The following ABCC1 variants were observed in gnomAD, a reference collection of about 807,000 sequenced individuals.
ABCC1 encodes the protein multidrug resistance-associated protein 1.
A neutral mutation model predicts 172.9 loss-of-function variants in ABCC1; 83 were observed. That is an observed-to-expected ratio of 0.48 (90% CI 0.40 to 0.58). The LOEUF (loss-of-function observed/expected upper bound fraction) is 0.58, where lower values mean the gene tolerates loss of function less well. ABCC1 is among the 20% of genes least tolerant of loss of function. The probability of loss-of-function intolerance (pLI) is 0.00; values close to 1 mark genes in which losing one functional copy is unlikely to be tolerated. For missense variants in ABCC1, 1,817 were observed against 2,002.7 expected (o/e 0.91, Z 1.77); for synonymous variants, 937 against 825.2 (o/e 1.14, Z -2.32).
At chr16:16,045,716 T>G in intron 8 of ABCC1, 120 bp from the exon 9 acceptor site, 1 of 988,352 alleles carries the variant, frequency 1.0e-6, no homozygotes, top group African/African-American at 1.6e-5. Context: ...TCTATGAAAT[T>G]GAAGTGATAG....
Position 16,016,492 on chromosome 16 carries a change from G to C in ABCC1, c.490-4G>C. 1 of 1,613,938 alleles carries C rather than the reference G, an allele frequency of 6.2e-7. No homozygotes were observed. ...TTTTTCTTCCTTCCTTCCCCACCAT[G>C]TAGGATGCCCAGGTGGACCTGTTTC... On this transcript the variant is annotated splice_polypyrimidine_tract_variant and splice_region_variant and intron_variant, in intron 4 of 30. Coordinates refer to ENST00000399410, the MANE Select transcript of ABCC1 (RefSeq NM_004996.4).
chr16:16,011,559 G>T (rs2047785911), intron 3 of ABCC1, among the ~76,000 whole-genome samples: 1 of 151,762 alleles, frequency 6.6e-6, no homozygotes, highest in African/African-American at 2.4e-5. Context: ...ACAGCTCACT[G>T]CAGGCTTGAA....
At chr16:16,042,740 CT>C (rs915005391) in intron 7 of ABCC1, among the ~76,000 whole-genome samples, 3 of 151,518 alleles carry the variant, frequency 2.0e-5, no homozygotes, top group African/African-American at 7.3e-5. Flanking sequence ...ATAAAGACTA[CT>C]TTTTTGGTGA....
chr16:16,101,018 TTTTTTTTATTTTTA>T (rs1313881931), intron 19 of ABCC1, among the ~76,000 whole-genome samples: 1 of 151,946 alleles, frequency 6.6e-6, no homozygotes, highest in Non-Finnish European at 1.5e-5. Context: ...TTTTTAGATT[TTTTTTTTATTTTTA>T]TTTTTTATTT....
intron 1 of ABCC1, among the ~76,000 whole-genome samples, chr16:15,971,444 G>A (rs769457758): frequency 2.0e-5 from 3 of 152,280 alleles, no homozygotes; most frequent in Admixed American, 6.5e-5. Flanking sequence ...TCTAAGAGCC[G>A]GGGCTTTACA....
chr16:16,104,185 T>A (rs2051943703), intron 20 of ABCC1, among the ~76,000 whole-genome samples: 3 of 151,856 alleles, frequency 2.0e-5, no homozygotes, highest in Non-Finnish European at 1.5e-5. Context: ...TCGCAAAGAG[T>A]GAAACAATAA....
intron 9 of ABCC1, 105 bp from the exon 10 acceptor site, chr16:16,048,037 G>C (rs1376478425): frequency 5.0e-6 from 7 of 1,395,814 alleles, no homozygotes; most frequent in Non-Finnish European, 7.0e-6. Flanking sequence ...GAGATCTGCG[G>C]CATTTCTGCC....
chr16:16,036,006 C>T (rs1431506873), intron 6 of ABCC1, among the ~76,000 whole-genome samples: 3 of 151,822 alleles, frequency 2.0e-5, no homozygotes, highest in Non-Finnish European at 2.9e-5. Flanking sequence ...CACCCAAAGT[C>T]CCAGCTACTC....
chr16:15,998,281 C>A (rs977302304), intron 1 of ABCC1, among the ~76,000 whole-genome samples: 7 of 152,190 alleles, frequency 4.6e-5, no homozygotes, highest in African/African-American at 1.7e-4. Context: ...TGCACTACCA[C>A]GCCTGGATAA....
chr16:16,136,042 A>AT (rs527249324), intron 28 of ABCC1, among the ~76,000 whole-genome samples: 23 of 145,600 alleles, frequency 1.6e-4, no homozygotes, highest in Admixed American at 2.7e-4. Context: ...TATTAAGGCA[A>AT]TTTTTTTTTT....
At chr16:16,134,324 C>T (rs747116475) in intron 27 of ABCC1, 26 bp from the exon 28 acceptor site, 2 of 1,612,676 alleles carry the variant, frequency 1.2e-6, no homozygotes, top group Non-Finnish European at 1.7e-6. Context: ...GCATTCCCAC[C>T]ACACCTGGGC....
chr16:16,098,152 G>A (rs2051564980), intron 19 of ABCC1: 1 of 153,118 alleles, frequency 6.5e-6, no homozygotes, highest in African/African-American at 2.4e-5. Flanking sequence ...GCCCCTCTCA[G>A]GAGCAGTGTC....
At chr16:15,994,390 C>G (rs1245544400) in intron 1 of ABCC1, among the ~76,000 whole-genome samples, 2 of 152,184 alleles carry the variant, frequency 1.3e-5, no homozygotes, top group Non-Finnish European at 2.9e-5. Context: ...CCTCAGAGCC[C>G]TTGCCAGGAA....
intron 1 of ABCC1, among the ~76,000 whole-genome samples, chr16:16,006,747 G>A (rs1358415947): frequency 6.6e-6 from 1 of 152,006 alleles, no homozygotes; most frequent in Non-Finnish European, 1.5e-5. Context: ...TCTGAAAAAG[G>A]AGATGATAAA....
chr16:16,100,540 G>A (rs4148365), intron 19 of ABCC1, among the ~76,000 whole-genome samples: 18,048 of 152,178 alleles, frequency 0.12, 1,207 homozygotes, highest in Middle Eastern at 0.22. Context: ...TTCCTTCCTG[G>A]GTGATGTGGC....
chr16:16,065,039 C>A lies in ABCC1; in HGVS notation c.1678-3117C>A, dbSNP rs57646507. On this transcript the variant is annotated intron_variant, in intron 12 of 30. Transcript: ENST00000399410. ...GACTTGATGGAGGTAAAGAGGCCAACCAGGGAGTAGCAAGAGCATGTGCAA... is the reference window on the plus strand; with the variant it reads ...GACTTGATGGAGGTAAAGAGGCCAAACAGGGAGTAGCAAGAGCATGTGCAA... 3.0e-3 allele frequency among the ~76,000 whole-genome samples: 455 copies of A among 152,266 alleles called. 2 individuals carry two copies. The highest frequency in any genetic ancestry group is 0.01 in the African/African-American group (431 of 41,544).
At position 16,134,205 on chromosome 16, in the gene ABCC1, T is replaced by A. The variant is rs959495174; in HGVS notation, c.3967-145T>A. The A allele has an allele frequency of 7.2e-6, 7 of 973,850 alleles. No homozygotes were observed. In the African/African-American group the frequency reaches 9.7e-5, roughly 13 times the overall value. 60.3% of individuals were successfully genotyped at this position (973,850 alleles called of 1,614,324 possible). ...CGAAACACCCTTAAAGGAGTGTCTC[T>A]GGGCAGCGCGCAAGGGAGAGGGCTG... On this transcript the variant is annotated intron_variant, in intron 27 of 30. Transcript: ENST00000399410.
At chr16:16,104,951 A>G (rs1382522996) in intron 20 of ABCC1, among the ~76,000 whole-genome samples, 1 of 152,062 alleles carries the variant, frequency 6.6e-6, no homozygotes, top group Non-Finnish European at 1.5e-5. Flanking sequence ...ACGCCCACCC[A>G]GAACTAGCGC....
At chr16:16,104,425 T>G (rs2152065929) in intron 20 of ABCC1, among the ~76,000 whole-genome samples, 1 of 152,248 alleles carries the variant, frequency 6.6e-6, no homozygotes, top group Admixed American at 6.5e-5. Flanking sequence ...CCCACTAGAT[T>G]AGCTAGATAT....
Sources: gnomAD v4.1 joint callset for allele counts (sites outside exome capture counted in the v4.1 genomes callset) on GRCh38, gnomAD v4.1.1 for gene constraint, MANE v1.5 for transcripts, NCBI Gene and HGNC (gene_info 2026-07-23, HGNC 2026-07-21) for gene names.